The following PCDHB8 variants were observed in gnomAD, a reference collection of about 807,000 sequenced individuals.
The protein encoded by PCDHB8 is protocadherin beta 8.
For synonymous variants in PCDHB8, 385 were observed against 448.5 expected (o/e 0.86, Z 1.79); for missense variants, 836 against 1,004.0 (o/e 0.83, Z 2.26).
Position 141,180,195 on chromosome 5 carries a change from G to A in PCDHB8, c.2161G>A (p.Ala721Thr). The A allele has an allele frequency of 1.9e-6, 3 of 1,612,682 alleles. No homozygotes were observed. Among genetic ancestry groups the A allele is most frequent in the Non-Finnish European group, 2.5e-6 (3 of 1,179,964 alleles). Residue 721 changes from alanine (A) to threonine (T), a missense_variant, in exon 1 of 1, where the codon GCC becomes ACC. Transcript: ENST00000239444. The stretch of plus-strand genomic sequence containing the variant: ...GCTGCTGTGTAGGAGGAGCAGGGCG[G>A]CCTCGGTGGGTCGCTGCTCAGTGCC... The part of the protein sequence containing the change: ...AVLLCRRSRA[A>T]SVGRCSVPEG...
In PCDHB8 at chr5:141,179,608, T is replaced by A; in HGVS notation, c.1574T>A (p.Leu525Gln). ...FALRSLDYEA[L>Q]QAFEFRVGAS... ...CTCAGGTCGCTGGACTACGAGGCCC[T>A]GCAGGCGTTCGAGTTCCGGGTGGGC... Residue 525 changes from leucine (L) to glutamine (Q), a missense_variant, in exon 1 of 1, where the codon CTG becomes CAG. Leu to Gln is a moderately radical substitution (Grantham distance 113). Coordinates refer to ENST00000239444, the MANE Select transcript of PCDHB8 (RefSeq NM_019120.5). 1 of 1,613,510 alleles carries A rather than the reference T, an allele frequency of 6.2e-7. No homozygotes were observed. The highest frequency in any genetic ancestry group is 8.5e-7 in the Non-Finnish European group (1 of 1,179,932).
Position 141,179,915 on chromosome 5 carries a change from C to G in PCDHB8, c.1881C>G (p.Thr627=), listed in dbSNP as rs781858287. ...GGGCGCACAATGGCGAGGTGCGCAC[C>G]GCCAGGCTGCTGAGCGAGCGCGACG... ...GVWAHNGEVR[T]ARLLSERDAA... is the part of the protein sequence containing the mutation. The change falls in exon 1 of 1, where the codon ACC becomes ACG. Residue 627 remains threonine, a synonymous_variant. Coordinates refer to ENST00000239444, the MANE Select transcript of PCDHB8 (RefSeq NM_019120.5). 1.2e-5 allele frequency: 20 copies of G among 1,609,172 alleles called. No homozygotes were observed. The highest frequency in any genetic ancestry group is 1.7e-5 in the Admixed American group (1 of 59,984).
chr5:141,179,220 T>A lies in PCDHB8; in HGVS notation c.1186T>A (p.Ser396Thr), dbSNP rs782602946. 6.2e-7 allele frequency: 1 copy of A among 1,614,194 alleles called. No individual in the cohort carries two copies. ...GGAGGATCTACCCTTCCTCCTGAAA[T>A]CTTCTGTGGGGAACTTTTACACCCT... Reference protein sequence around the residue: ...IQEDLPFLLKSSVGNFYTLLT... With the variant: ...IQEDLPFLLKTSVGNFYTLLT... Residue 396 changes from serine (S) to threonine (T), a missense_variant, in exon 1 of 1, where the codon TCT (serine) becomes ACT (threonine). By Grantham distance (58) the Ser-to-Thr change is moderately conservative. Transcript: ENST00000239444.
chr5:141,179,346 A>ATG lies in PCDHB8; in HGVS notation c.1313_1314dup (p.Thr439Ter), dbSNP rs782731709. Reference sequence around the variant, plus strand: ...ACCCAGGCTGACAACACATCTCAATATGACCGTGCTGGTGTCGGACGTCAA... The same window carrying ATG: ...ACCCAGGCTGACAACACATCTCAATATGTGACCGTGCTGGTGTCGGACGTCAA... On this transcript the variant is annotated frameshift_variant, in exon 1 of 1. Transcript: ENST00000239444. LOFTEE classifies it low-confidence loss of function (END_TRUNC). 1 of 1,614,238 alleles carries ATG rather than the reference A, an allele frequency of 6.2e-7. No individual in the cohort carries two copies. The highest frequency in any genetic ancestry group is 1.1e-5 in the South Asian group (1 of 91,086).
Position 141,180,063 on chromosome 5 carries a change from GCTGCC to G in PCDHB8, c.2031_2035del (p.Ala678SerfsTer37). On this transcript the variant is annotated frameshift_variant, in exon 1 of 1. Transcript: ENST00000239444. LOFTEE classifies it low-confidence loss of function (END_TRUNC). ...CCAGCCCTACCTGCCGCTTCCGGAG[GCTGCC>G]CCAGCCCAGGGCCAGGCCGACTCTC... is the stretch of plus-strand genomic sequence containing the variant. The G allele has an allele frequency of 6.2e-7, 1 of 1,609,856 alleles. No individual in the cohort carries two copies. The highest frequency in any genetic ancestry group is 1.3e-5 in the African/African-American group (1 of 75,010).
chr5:141,180,365 C>T lies in PCDHB8; in HGVS notation c.2331C>T (p.Gly777=). 5.0e-6 allele frequency: 8 copies of T among 1,613,402 alleles called. No homozygotes were observed. The highest frequency in any genetic ancestry group is 6.8e-6 in the Non-Finnish European group (8 of 1,179,412). The change falls in exon 1 of 1, where the codon GGC becomes GGT. Residue 777 remains glycine (G), a synonymous_variant. Transcript: ENST00000239444. ...AACCAGTATTACCTAATATTCAGGG[C>T]CATTCTTTTGGGCCAGAAATGGAAC... The part of the protein sequence containing the change: ...LLKPVLPNIQ[G]HSFGPEMEQN...
In PCDHB8 at chr5:141,180,419, T is replaced by C; in HGVS notation, c.2385T>C (p.Gly795=). Residue 795 remains glycine (G), a synonymous_variant, in exon 1 of 1, where the codon GGT becomes GGC. Transcript: ENST00000239444. ...ACTCTAACTTTAGGAATGGCTTTGGTTTCAGCCTTCAGTTAAAGTAATTGA... is the reference window on the plus strand; with the variant it reads ...ACTCTAACTTTAGGAATGGCTTTGGCTTCAGCCTTCAGTTAAAGTAATTGA... ...EQNSNFRNGF[G]FSLQLK 2 of 1,591,172 alleles carry C rather than the reference T, an allele frequency of 1.3e-6. No homozygotes were observed. The highest frequency in any genetic ancestry group is 1.7e-6 in the Non-Finnish European group (2 of 1,164,130).
At position 141,178,495 on chromosome 5, in the gene PCDHB8, C is replaced by T. The variant is rs781997043; in HGVS notation, c.461C>T (p.Pro154Leu). The change falls in exon 1 of 1, where the codon CCT becomes CTT. Residue 154 changes from proline to leucine, a missense_variant. Pro to Leu is a moderately conservative substitution (Grantham distance 98, BLOSUM62 -3). Coordinates refer to ENST00000239444, the MANE Select transcript of PCDHB8 (RefSeq NM_019120.5). ...SESSPPGTAF[P>L]LKNAEDLDIG... ...AGCAGTCCTCCTGGGACTGCGTTTCCTCTGAAGAATGCTGAAGACTTAGAT... is the reference window on the plus strand; with the variant it reads ...AGCAGTCCTCCTGGGACTGCGTTTCTTCTGAAGAATGCTGAAGACTTAGAT... The T allele has an allele frequency of 1.2e-6, 2 of 1,614,212 alleles. No individual in the cohort carries two copies. The highest frequency in any genetic ancestry group is 1.1e-5 in the South Asian group (1 of 91,064).
At position 141,179,252 on chromosome 5, in the gene PCDHB8, A is replaced by G. The variant is rs781920804; in HGVS notation, c.1218A>G (p.Thr406=). The change falls in exon 1 of 1, where the codon ACA becomes ACG. Residue 406 remains threonine, a synonymous_variant. Transcript: ENST00000239444. ...SSVGNFYTLL[T]ETPLDRESRA... ...TGGGGAACTTTTACACCCTACTAAC[A>G]GAGACACCACTAGACAGAGAAAGCA... is the stretch of plus-strand genomic sequence containing the variant. 5.0e-6 allele frequency: 8 copies of G among 1,613,606 alleles called. No individual in the cohort carries two copies. The African/African-American group carries it at 5.3e-5, about 11-fold the overall frequency.
chr5:141,180,174 C>T lies in PCDHB8; in HGVS notation c.2140C>T (p.Leu714=). The change falls in exon 1 of 1, where the codon CTG becomes TTG. Residue 714 remains leucine (L), a synonymous_variant. Transcript: ENST00000239444. ...GGTGCTCCTGTTCGTGGCGGTGCTG[C>T]TGTGTAGGAGGAGCAGGGCGGCCTC... ...FSVLLFVAVL[L]CRRSRAASVG... The T allele has an allele frequency of 1.9e-6, 3 of 1,612,530 alleles. No homozygotes were observed. The highest frequency in any genetic ancestry group is 1.7e-6 in the Non-Finnish European group (2 of 1,179,960).
In PCDHB8 at chr5:141,178,806, A is replaced by G. The variant is rs782580710; in HGVS notation, c.772A>G (p.Ile258Val). 40 of 1,614,006 alleles carry G rather than the reference A, an allele frequency of 2.5e-5. No homozygotes were observed. The East Asian group carries it at 4.9e-4, about 20-fold the overall frequency. The change falls in exon 1 of 1, where the codon ATA becomes GTA. Residue 258 changes from isoleucine to valine, a missense_variant. Coordinates refer to ENST00000239444, the MANE Select transcript of PCDHB8 (RefSeq NM_019120.5). Reference sequence around the variant, plus strand: ...GGTGCAGATCTCTGAGGACAGTCCAATAAGCTTCCTGGTTGTGAAGGTCTC... The same window carrying G: ...GGTGCAGATCTCTGAGGACAGTCCAGTAAGCTTCCTGGTTGTGAAGGTCTC... ...YRVQISEDSP[I>V]SFLVVKVSAT...
At position 141,180,287 on chromosome 5, in the gene PCDHB8, G is replaced by C. The variant is rs370628675; in HGVS notation, c.2253G>C (p.Gln751His). ...RGTGSLSQNY[Q>H]YEVCLAGGSG... ...CCGGGAGCCTGTCTCAGAACTATCA[G>C]TACGAGGTGTGCCTGGCAGGAGGCT... is the stretch of plus-strand genomic sequence containing the variant. The change falls in exon 1 of 1, where the codon CAG (glutamine) becomes CAC (histidine). Residue 751 changes from glutamine (Q) to histidine (H), a missense_variant. Gln to His is a conservative substitution (Grantham distance 24, BLOSUM62 0). Coordinates refer to ENST00000239444, the MANE Select transcript of PCDHB8 (RefSeq NM_019120.5). The C allele has an allele frequency of 4.3e-6, 7 of 1,613,924 alleles. No homozygotes were observed. Among genetic ancestry groups the C allele is most frequent in the Non-Finnish European group, 5.1e-6 (6 of 1,179,976 alleles).
rs61747445 is a variant in PCDHB8, at chr5:141,180,215, A to G, written c.2181A>G (p.Ser727=). The G allele has an allele frequency of 5.1e-4, 824 of 1,612,894 alleles. 5 individuals are homozygous for G. The African/African-American group carries it at 1.0e-2, about 20-fold the overall frequency. The change falls in exon 1 of 1, where the codon TCA becomes TCG. Residue 727 remains serine, a synonymous_variant. Transcript: ENST00000239444. ...GGGCGGCCTCGGTGGGTCGCTGCTC[A>G]GTGCCTGAGGGCCCCTTTCCAGGGC... The part of the protein sequence containing the change: ...RSRAASVGRC[S]VPEGPFPGHL...
rs782378226 is a variant in PCDHB8, at chr5:141,180,193, C to T, written c.2159C>T (p.Ala720Val). ...GTGCTGCTGTGTAGGAGGAGCAGGG[C>T]GGCCTCGGTGGGTCGCTGCTCAGTG... ...VAVLLCRRSR[A>V]ASVGRCSVPE... The change falls in exon 1 of 1, where the codon GCG becomes GTG. Residue 720 changes from alanine to valine, a missense_variant. Transcript: ENST00000239444. The T allele has an allele frequency of 1.9e-5, 30 of 1,612,564 alleles. No individual in the cohort carries two copies. Among genetic ancestry groups the T allele is most frequent in the South Asian group, 8.8e-5 (8 of 90,996 alleles).
chr5:141,180,053 G>A lies in PCDHB8; in HGVS notation c.2019G>A (p.Pro673=), dbSNP rs1383265396. The A allele has an allele frequency of 2.5e-6, 4 of 1,609,494 alleles. No homozygotes were observed. Among genetic ancestry groups the A allele is most frequent in the Non-Finnish European group, 3.4e-6 (4 of 1,179,832 alleles). Residue 673 remains proline, a synonymous_variant, in exon 1 of 1, where the codon CCG becomes CCA. Coordinates refer to ENST00000239444, the MANE Select transcript of PCDHB8 (RefSeq NM_019120.5). ...ACGGCTTCTCCCAGCCCTACCTGCC[G>A]CTTCCGGAGGCTGCCCCAGCCCAGG... is the stretch of plus-strand genomic sequence containing the variant. The part of the protein sequence containing the change: ...LVDGFSQPYL[P]LPEAAPAQGQ...
At position 141,178,909 on chromosome 5, in the gene PCDHB8, C is replaced by G; in HGVS notation, c.875C>G (p.Thr292Ser). ...LFQASDEISK[T>S]FKVDFLTGEI... Reference sequence around the variant, plus strand: ...CAAGCTTCAGATGAGATAAGCAAAACTTTTAAGGTCGATTTCTTGACAGGA... The same window carrying G: ...CAAGCTTCAGATGAGATAAGCAAAAGTTTTAAGGTCGATTTCTTGACAGGA... The change falls in exon 1 of 1, where the codon ACT (threonine) becomes AGT (serine). Residue 292 changes from threonine to serine, a missense_variant. Transcript: ENST00000239444. 1 of 1,614,224 alleles carries G rather than the reference C, an allele frequency of 6.2e-7. No individual in the cohort carries two copies. The highest frequency in any genetic ancestry group is 8.5e-7 in the Non-Finnish European group (1 of 1,180,032).
In PCDHB8 at chr5:141,179,011, G is replaced by A. The variant is rs782567447; in HGVS notation, c.977G>A (p.Gly326Glu). The A allele has an allele frequency of 6.8e-6, 11 of 1,614,216 alleles. No individual in the cohort carries two copies. In the South Asian group the frequency reaches 9.9e-5, roughly 15 times the overall value. The part of the protein sequence containing the change: ...YEVNIEARDA[G>E]GFSGKCTVLI... ...GTCAATATCGAGGCGAGAGATGCTG[G>A]AGGCTTTTCTGGAAAATGCACCGTT... Residue 326 changes from glycine to glutamate, a missense_variant, in exon 1 of 1, where the codon GGA (glycine) becomes GAA (glutamate). By Grantham distance (98) the Gly-to-Glu change is moderately conservative. Transcript: ENST00000239444.
In PCDHB8 at chr5:141,180,050, G is replaced by C; in HGVS notation, c.2016G>C (p.Leu672=). 1 of 1,609,656 alleles carries C rather than the reference G, an allele frequency of 6.2e-7. No individual in the cohort carries two copies. The highest frequency in any genetic ancestry group is 8.5e-7 in the Non-Finnish European group (1 of 1,179,830). The part of the protein sequence containing the change: ...LLVDGFSQPY[L]PLPEAAPAQG... ...TGGACGGCTTCTCCCAGCCCTACCT[G>C]CCGCTTCCGGAGGCTGCCCCAGCCC... The change falls in exon 1 of 1, where the codon CTG becomes CTC. Residue 672 remains leucine, a synonymous_variant. Coordinates refer to ENST00000239444, the MANE Select transcript of PCDHB8 (RefSeq NM_019120.5).
Position 141,180,018 on chromosome 5 carries a change from C to A in PCDHB8, c.1984C>A (p.Leu662Ile). The A allele has an allele frequency of 6.2e-7, 1 of 1,609,122 alleles. No individual in the cohort carries two copies. Among genetic ancestry groups the A allele is most frequent in the South Asian group, 1.1e-5 (1 of 90,990 alleles). The change falls in exon 1 of 1, where the codon CTC becomes ATC. Residue 662 changes from leucine (L) to isoleucine (I), a missense_variant. By Grantham distance (5) the Leu-to-Ile change is conservative. Transcript: ENST00000239444. Reference protein sequence around the residue: ...PCSATATLHVLLVDGFSQPYL... With the variant: ...PCSATATLHVILVDGFSQPYL... ...CTCGGCCACCGCCACGCTGCACGTG[C>A]TCCTGGTGGACGGCTTCTCCCAGCC...
Sources: gnomAD v4.1 joint callset for allele counts on GRCh38, gnomAD v4.1.1 for gene constraint, MANE v1.5 for transcripts, NCBI Gene and HGNC (gene_info 2026-07-23, HGNC 2026-07-21) for gene names.